The following ADCY10 variants were observed in gnomAD, a reference collection of about 807,000 sequenced individuals.
ADCY10 encodes adenylate cyclase 10.
Under a neutral mutation model 183.3 loss-of-function variants are expected in ADCY10, and 156 were observed. The observed-to-expected ratio is 0.85, with a 90% CI of 0.75 to 0.97. The LOEUF (loss-of-function observed/expected upper bound fraction) is 0.97. ADCY10 is among the 50% of genes least tolerant of loss of function. The pLI, the probability that ADCY10 is intolerant of heterozygous loss-of-function variation, is 0.00. For missense variants in ADCY10, 1,745 were observed against 1,934.3 expected (o/e 0.90, Z 1.84); for synonymous variants, 645 against 670.0 (o/e 0.96, Z 0.58).
intron 31 of ADCY10, among the ~76,000 whole-genome samples, chr1:167,813,022 G>A (rs1217550065): frequency 1.3e-5 from 2 of 152,078 alleles, no homozygotes; most frequent in East Asian, 3.8e-4. Context: ...ACCAAGAAGT[G>A]AACCAATAAA....
At chr1:167,896,528 G>C in intron 7 of ADCY10, 67 bp downstream of exon 7, 6 of 1,263,222 alleles carry the variant, frequency 4.7e-6, no homozygotes, top group Non-Finnish European at 7.0e-6. Flanking sequence ...TGAAGCTGTC[G>C]GCATTGATAT....
At chr1:167,858,643 G>T (rs1242269347) in intron 16 of ADCY10, among the ~76,000 whole-genome samples, 1 of 152,096 alleles carries the variant, frequency 6.6e-6, no homozygotes, top group East Asian at 1.9e-4. Context: ...ACAGAAGCCT[G>T]GTGGAAGAAG....
At chr1:167,911,405 C>T (rs545375330) in intron 1 of ADCY10, among the ~76,000 whole-genome samples, 79 of 152,358 alleles carry the variant, frequency 5.2e-4, no homozygotes, top group African/African-American at 1.8e-3. Context: ...TTTGCCCTGG[C>T]ATGCTTATAC....
Position 167,893,859 on chromosome 1 carries a change from C to A in ADCY10, c.822G>T (p.Leu274Phe). Residue 274 changes from leucine (L) to phenylalanine (F), a missense_variant, in exon 8 of 33, where the codon TTG becomes TTT. Leu to Phe is a conservative substitution (Grantham distance 22). Coordinates refer to ENST00000367851, the MANE Select transcript of ADCY10 (RefSeq NM_018417.6). ...AATTCAATTTTGAAAATACCTGCTT[C>A]AAAATGCTTTCCATCACATACTTTT... ...SLQKYVMESI[L>F]KQIDNKQLQG... The A allele has an allele frequency of 3.7e-6, 6 of 1,611,906 alleles. No homozygotes were observed. Among genetic ancestry groups the A allele is most frequent in the Non-Finnish European group, 5.1e-6 (6 of 1,178,532 alleles).
At position 167,854,348 on chromosome 1, in the gene ADCY10, CT is replaced by C. The variant is rs1665726831; in HGVS notation, c.2308+4del. The C allele has an allele frequency of 6.2e-7, 1 of 1,614,170 alleles. No homozygotes were observed. Among genetic ancestry groups the C allele is most frequent in the East Asian group, 2.2e-5 (1 of 44,886 alleles). On this transcript the variant is annotated splice_donor_region_variant and intron_variant, in intron 18 of 32. Transcript: ENST00000367851. ...GTAAGAAAGAACCATCACCGCAGGA[CT>C]TACTGAACAGGTTATTCCAGGTCCT...
intron 25 of ADCY10, among the ~76,000 whole-genome samples, chr1:167,832,493 AC>A (rs963460090): frequency 8.5e-5 from 13 of 152,082 alleles, no homozygotes; most frequent in African/African-American, 3.1e-4. Context: ...ACCAACGGAT[AC>A]CCCCCATGTA....
At chr1:167,834,204 A>G in intron 23 of ADCY10, 127 bp from the exon 24 acceptor site, 4 of 731,992 alleles carry the variant, frequency 5.5e-6, no homozygotes, top group Non-Finnish European at 9.7e-6. Context: ...CTCCACTTCC[A>G]TCCCCAGCTC....
rs575994203 is a variant in ADCY10, at chr1:167,858,106, T to C, written c.1897-1667A>G. Among the ~76,000 whole-genome samples the C allele has an allele frequency of 5.9e-5, 9 of 152,266 alleles. No homozygotes were observed. The South Asian group carries it at 1.5e-3, about 25-fold the overall frequency. ...GAAGAAAGCTGTATTATAAATATAA[T>C]ACAATGCCACCAACTTATATCGATC... On this transcript the variant is annotated intron_variant, in intron 16 of 32. Coordinates refer to ENST00000367851, the MANE Select transcript of ADCY10 (RefSeq NM_018417.6).
At chr1:167,842,374 C>A (rs1012562037) in intron 21 of ADCY10, among the ~76,000 whole-genome samples, 1 of 152,074 alleles carries the variant, frequency 6.6e-6, no homozygotes, top group Non-Finnish European at 1.5e-5. Context: ...CTTGAACCAG[C>A]CCTGGCTTGA....
At chr1:167,837,184 T>C in intron 22 of ADCY10, 65 bp downstream of exon 22, 1 of 1,406,394 alleles carries the variant, frequency 7.1e-7, no homozygotes, top group Admixed American at 1.7e-5. Context: ...ATGATTCTAA[T>C]AGTGTTCTGA....
At chr1:167,881,800 G>A (rs972707215) in intron 9 of ADCY10, among the ~76,000 whole-genome samples, 1 of 152,240 alleles carries the variant, frequency 6.6e-6, no homozygotes, top group Non-Finnish European at 1.5e-5. Context: ...AGCCATGTCT[G>A]CAAGACACGA....
rs371567589 is a variant in ADCY10, at chr1:167,901,729, G to C, written c.369C>G (p.Ser123Arg). Residue 123 changes from serine to arginine, a missense_variant, in exon 5 of 33, where the codon AGC becomes AGG. Coordinates refer to ENST00000367851, the MANE Select transcript of ADCY10 (RefSeq NM_018417.6). ...KNIITVVIKC[S>R]LEIHGLFETQ... ...TCTCAAACAATCCATGGATCTCCAG[G>C]CTACATTTAATTACCACTGTGATAA... The C allele has an allele frequency of 2.6e-5, 42 of 1,613,978 alleles. No homozygotes were observed. Among genetic ancestry groups the C allele is most frequent in the Non-Finnish European group, 3.5e-5 (41 of 1,180,026 alleles).
intron 8 of ADCY10, among the ~76,000 whole-genome samples, 158 bp downstream of exon 8, chr1:167,893,695 C>CAAAAAAA (rs748872658): frequency 1.4e-5 from 1 of 70,188 alleles, no homozygotes; most frequent in Non-Finnish European, 2.7e-5. Flanking sequence ...GACTCTGTCT[C>CAAAAAAA]AAAAAAAAAA....
intron 12 of ADCY10, among the ~76,000 whole-genome samples, 176 bp downstream of exon 12, chr1:167,878,270 G>A (rs767788890): frequency 1.3e-5 from 2 of 152,154 alleles, no homozygotes; most frequent in African/African-American, 2.4e-5. Context: ...CCATGCCATA[G>A]TGTCAGTCAG....
At chr1:167,819,155 A>T (rs1017756139) in intron 30 of ADCY10, among the ~76,000 whole-genome samples, 1 of 151,958 alleles carries the variant, frequency 6.6e-6, no homozygotes. Flanking sequence ...CTTACATTGC[A>T]TGAAATACCT....
intron 5 of ADCY10, among the ~76,000 whole-genome samples, chr1:167,901,077 A>T (rs947665719): frequency 6.6e-6 from 1 of 152,192 alleles, no homozygotes; most frequent in African/African-American, 2.4e-5. Context: ...GTATCTCAGG[A>T]CTGTCATATA....
intron 16 of ADCY10, among the ~76,000 whole-genome samples, chr1:167,858,018 C>T (rs61424866): frequency 5.7e-4 from 87 of 152,294 alleles, no homozygotes; most frequent in African/African-American, 2.0e-3. Context: ...GTGATGCAAA[C>T]AGTCTAAGCC....
At position 167,879,989 on chromosome 1, in the gene ADCY10, G is replaced by A. The variant is rs1052567034; in HGVS notation, c.1216+126C>T. 5.0e-6 allele frequency: 4 copies of A among 806,492 alleles called. No homozygotes were observed. In the East Asian group the frequency reaches 1.1e-4, roughly 21 times the overall value. 50.0% of individuals were successfully genotyped at this position (806,492 alleles called of 1,614,324 possible). On this transcript the variant is annotated intron_variant, in intron 11 of 32. Coordinates refer to ENST00000367851, the MANE Select transcript of ADCY10 (RefSeq NM_018417.6). ...GGGCTCCATGGCTTGGCTCCATCTG[G>A]AAGACTCTAAAGTTTCTGAGGGCAG...
At chr1:167,860,523 C>A (rs1192384255) in intron 15 of ADCY10, among the ~76,000 whole-genome samples, 3 of 152,060 alleles carry the variant, frequency 2.0e-5, no homozygotes, top group Non-Finnish European at 4.4e-5. Context: ...GGTTGAGGAC[C>A]CCTGTGTTAG....
Sources: gnomAD v4.1 joint callset for allele counts (sites outside exome capture counted in the v4.1 genomes callset) on GRCh38, gnomAD v4.1.1 for gene constraint, MANE v1.5 for transcripts, NCBI Gene and HGNC (gene_info 2026-07-23, HGNC 2026-07-21) for gene names.